Variants in STARD13 observed in about 807,000 individuals in gnomAD.
STARD13 encodes stAR-related lipid transfer protein 13.
In STARD13, 62 loss-of-function variants were observed where a neutral mutation model predicts 106.4. That is an observed-to-expected ratio of 0.58 (90% confidence interval 0.48 to 0.72). The LOEUF is 0.72. STARD13 is among the 30% of genes least tolerant of loss of function. The pLI is 0.00. For missense variants in STARD13, 1,387 were observed against 1,424.0 expected (o/e 0.97, Z 0.42); for synonymous variants, 565 against 553.0 (o/e 1.02, Z -0.31).
intron 1 of STARD13, among the ~76,000 whole-genome samples, chr13:33,301,461 G>A (rs1337400135): frequency 1.3e-5 from 2 of 152,100 alleles, no homozygotes; most frequent in African/African-American, 4.8e-5. Context: ...GTGTATAGAG[G>A]GGGCTAACGT....
At chr13:33,492,072 C>T in the STARD13 span, among the ~76,000 whole-genome samples, 20 of 152,042 alleles carry the variant, frequency 1.3e-4, no homozygotes, top group African/African-American at 4.8e-4. Flanking sequence ...ACAAGGTGCT[C>T]AGTAAGGGAG....
chr13:33,645,183 C>T, the STARD13 span, among the ~76,000 whole-genome samples: 5 of 152,122 alleles, frequency 3.3e-5, no homozygotes, highest in African/African-American at 1.2e-4. Context: ...GGGTGATCTA[C>T]AAGCCTCCGT....
At chr13:33,438,853 G>A in the STARD13 span, among the ~76,000 whole-genome samples, 3 of 152,256 alleles carry the variant, frequency 2.0e-5, no homozygotes, top group East Asian at 5.8e-4. Flanking sequence ...AATAATGCTG[G>A]CACCAATGCA....
chr13:33,580,733 A>G, the STARD13 span, among the ~76,000 whole-genome samples: 1 of 152,164 alleles, frequency 6.6e-6, no homozygotes, highest in Non-Finnish European at 1.5e-5. Context: ...AATAAAGTCT[A>G]TTCAAAAATC....
the STARD13 span, among the ~76,000 whole-genome samples, chr13:33,366,164 T>C: frequency 6.6e-6 from 1 of 152,100 alleles, no homozygotes; most frequent in African/African-American, 2.4e-5. The surrounding 1 kb of genome is among the most constrained non-coding windows in gnomAD (Gnocchi z 4.2). Context: ...AGTATGTCAA[T>C]GAATGCATCA....
the STARD13 span, among the ~76,000 whole-genome samples, chr13:33,637,204 G>A: frequency 4.6e-5 from 7 of 152,170 alleles, no homozygotes; most frequent in Non-Finnish European, 1.0e-4. Flanking sequence ...AAGGTCTTAC[G>A]ACTAGTAAGC....
intron 5 of STARD13, 116 bp from the exon 6 acceptor site, chr13:33,127,662 C>T (rs574322491): frequency 2.5e-5 from 26 of 1,045,986 alleles, no homozygotes; most frequent in East Asian, 1.2e-4. Context: ...CAAAGAAAAT[C>T]GCAAAGCAAA....
chr13:33,124,854 G>A (rs1415384034), intron 7 of STARD13, among the ~76,000 whole-genome samples: 2 of 152,146 alleles, frequency 1.3e-5, no homozygotes, highest in African/African-American at 4.8e-5. Flanking sequence ...CCTTATTTCT[G>A]GGGAATAAGA....
At chr13:33,170,648 C>CT (rs1309363198) in intron 1 of STARD13, among the ~76,000 whole-genome samples, 2 of 152,136 alleles carry the variant, frequency 1.3e-5, no homozygotes, top group Non-Finnish European at 2.9e-5. Context: ...AGAAGCAGCC[C>CT]TGTCCTAGCC....
the STARD13 span, among the ~76,000 whole-genome samples, chr13:33,499,495 C>CCTT: frequency 1.5e-3 from 116 of 75,062 alleles, 7 homozygotes; most frequent in Non-Finnish European, 1.7e-3. Flanking sequence ...AGTCTTTTCT[C>CCTT]CTTCTTCTTC....
At chr13:33,570,821 A>G in the STARD13 span, among the ~76,000 whole-genome samples, 1 of 152,184 alleles carries the variant, frequency 6.6e-6, no homozygotes. Flanking sequence ...TTCTCTACCA[A>G]CAGCAAAGGC....
chr13:33,669,530 CT>C, the STARD13 span, among the ~76,000 whole-genome samples: 6,042 of 103,094 alleles, frequency 0.059, 129 homozygotes, highest in African/African-American at 0.17. Flanking sequence ...AGAGGATGTT[CT>C]TTTTTTTTTT....
the STARD13 span, chr13:33,661,132 C>CA: frequency 6.6e-6 from 1 of 152,186 alleles, no homozygotes; most frequent in Admixed American, 6.5e-5. Context: ...CTTCCATGAA[C>CA]ATTACTCAAA....
At chr13:33,147,663 T>C (rs1354603768) in intron 3 of STARD13, among the ~76,000 whole-genome samples, 2 of 151,808 alleles carry the variant, frequency 1.3e-5, no homozygotes, top group Non-Finnish European at 2.9e-5. Context: ...ATTTAAAATG[T>C]CCAGTTTTAA....
At chr13:33,113,553 A>G (rs1267316373) in intron 8 of STARD13, 4 of 516,330 alleles carry the variant, frequency 7.7e-6, no homozygotes, top group East Asian at 5.5e-5. Context: ...CCTTTTTCCT[A>G]CAAATCTCCC....
intron 1 of STARD13, among the ~76,000 whole-genome samples, chr13:33,187,357 G>T (rs946962801): frequency 1.1e-4 from 17 of 152,184 alleles, no homozygotes; most frequent in Non-Finnish European, 2.4e-4. Flanking sequence ...GTTAATACTT[G>T]ATTTACCTCC....
At chr13:33,108,174 A>T (rs887360806) in intron 12 of STARD13, among the ~76,000 whole-genome samples, 2 of 152,238 alleles carry the variant, frequency 1.3e-5, no homozygotes, top group Admixed American at 1.3e-4. Flanking sequence ...GACATGAGAG[A>T]CAAATGCAGC....
chr13:33,616,209 A>AGAGGAGAGGAGAGGGAAAAGGG, the STARD13 span, among the ~76,000 whole-genome samples: 2 of 144,116 alleles, frequency 1.4e-5, no homozygotes, highest in Admixed American at 7.1e-5. Context: ...AGGGAAAAGG[A>AGAGGAGAGGAGAGGGAAAAGGG]GAGGAGAGGA....
At chr13:33,267,277 C>A (rs1890942533) in intron 1 of STARD13, among the ~76,000 whole-genome samples, 1 of 152,116 alleles carries the variant, frequency 6.6e-6, no homozygotes, top group Non-Finnish European at 1.5e-5. Context: ...TCATGATTCC[C>A]CAGACAGCTA....
Sources: allele counts gnomAD v4.1 joint callset (sites outside exome capture counted in the v4.1 genomes callset), GRCh38; gene constraint gnomAD v4.1.1; non-coding constraint Gnocchi (gnomAD v3.1); transcripts MANE v1.5; gene names NCBI Gene and HGNC (gene_info 2026-07-23, HGNC 2026-07-21).